Variants in SQSTM1 observed in about 807,000 individuals in gnomAD.
SQSTM1 encodes the protein sequestosome 1.
In SQSTM1, 36 loss-of-function variants were observed where a neutral mutation model predicts 45.1. That is an observed-to-expected ratio of 0.80 (90% CI 0.61 to 1.05). The LOEUF (loss-of-function observed/expected upper bound fraction) is 1.05, where lower values mean the gene tolerates loss of function less well. Among genes scored for constraint, SQSTM1 ranks in the 50% least tolerant of loss-of-function variants. SQSTM1 has a pLI of 0.00. For synonymous variants in SQSTM1, 290 were observed against 244.3 expected (o/e 1.19, Z -1.74); for missense variants, 617 against 607.1 (o/e 1.02, Z -0.17).
At chr5:179,807,443 A>C (rs983433363) in intron 1 of SQSTM1, 1 of 152,248 alleles carries the variant, frequency 6.6e-6, no homozygotes, top group East Asian at 1.9e-4. Flanking sequence ...TCTAGGCGGT[A>C]TCAGGGCCGA....
At position 179,836,471 on chromosome 5, in the gene SQSTM1, A is replaced by G. The variant is rs201795943; in HGVS notation, c.1201A>G (p.Met401Val). The change falls in exon 8 of 8, where the codon ATG becomes GTG. Residue 401 changes from methionine (M) to valine (V), a missense_variant. Coordinates refer to ENST00000389805, the MANE Select transcript of SQSTM1 (RefSeq NM_003900.5). ...DPRLIESLSQMLSMGFSDEGG... is the reference protein window; with the variant it reads ...DPRLIESLSQVLSMGFSDEGG... ...GCGGCTGATTGAGTCCCTCTCCCAG[A>G]TGCTGTCCATGGGCTTCTCTGATGA... is the stretch of plus-strand genomic sequence containing the variant. The G allele has an allele frequency of 6.2e-7, 1 of 1,614,146 alleles. No individual in the cohort carries two copies. Among genetic ancestry groups the G allele is most frequent in the Non-Finnish European group, 8.5e-7 (1 of 1,180,032 alleles).
In SQSTM1 at chr5:179,824,285, G is replaced by T; in HGVS notation, c.635G>T (p.Arg212Leu). 1.2e-6 allele frequency: 2 copies of T among 1,613,768 alleles called. No individual in the cohort carries two copies. The highest frequency in any genetic ancestry group is 1.7e-6 in the Non-Finnish European group (2 of 1,180,040). The change falls in exon 4 of 8, where the codon CGT becomes CTT. Residue 212 changes from arginine to leucine, a missense_variant. Arg to Leu is a moderately radical substitution (Grantham distance 102, BLOSUM62 -2). Transcript: ENST00000389805. ...GGAAACTGGAGCCCACGTCCTCCTC[G>T]TGCAGGGGAGGCCCGCCCTGGCCCC... is the stretch of plus-strand genomic sequence containing the variant. ...PPGNWSPRPP[R>L]AGEARPGPTA...
At chr5:179,836,250 G>C in intron 7 of SQSTM1, 186 bp from the exon 8 acceptor site, 1 of 744,878 alleles carries the variant, frequency 1.3e-6, no homozygotes. Context: ...GTTGAGCAGT[G>C]TGAAAAAGAC....
upstream of SQSTM1, among the ~76,000 whole-genome samples, chr5:179,819,663 C>T (rs1228243010): frequency 2.0e-5 from 3 of 152,248 alleles, no homozygotes; most frequent in South Asian, 6.2e-4. Flanking sequence ...CTGCCCCTGT[C>T]TGCAAGGCAG....
chr5:179,818,398 T>A (rs1483469559), upstream of SQSTM1, among the ~76,000 whole-genome samples: 1 of 152,152 alleles, frequency 6.6e-6, no homozygotes, highest in Non-Finnish European at 1.5e-5. Context: ...AGTGGCCTTG[T>A]CTCTGGCTGC....
chr5:179,821,396 C>T (rs1462622094), intron 1 of SQSTM1, among the ~76,000 whole-genome samples: 2 of 152,024 alleles, frequency 1.3e-5, no homozygotes, highest in Non-Finnish European at 2.9e-5. Flanking sequence ...CCCTGCCGGC[C>T]GGGGGCTCGA....
chr5:179,828,783 C>T (rs950101413), intron 5 of SQSTM1, among the ~76,000 whole-genome samples: 1 of 151,856 alleles, frequency 6.6e-6, no homozygotes, highest in Admixed American at 6.6e-5. Context: ...CTGCTCCCCC[C>T]TTAAACTCTA....
chr5:179,822,047 G>A (rs1333555488), intron 1 of SQSTM1, among the ~76,000 whole-genome samples: 1 of 152,174 alleles, frequency 6.6e-6, no homozygotes, highest in Non-Finnish European at 1.5e-5. Flanking sequence ...TAGGTTTGTG[G>A]ACCATATTCA....
Position 179,836,913 on chromosome 5 carries a change from GCTTTCA to G in SQSTM1, c.*326_*331del. ...AGCCCAGCACATAGCTTGCCTAATG[GCTTTCA>G]CTTTCTCTTTTGTTTTAAATGACTC... On this transcript the variant is annotated 3_prime_UTR_variant, in exon 8 of 8. Coordinates refer to ENST00000389805, the MANE Select transcript of SQSTM1 (RefSeq NM_003900.5). The G allele has an allele frequency of 1.6e-6, 1 of 607,246 alleles. No individual in the cohort carries two copies. 37.6% of individuals were successfully genotyped at this position (607,246 alleles called of 1,614,324 possible).
intron 2 of SQSTM1, chr5:179,813,197 G>A (rs1439200590): frequency 6.6e-6 from 1 of 152,104 alleles, no homozygotes; most frequent in East Asian, 1.9e-4. Context: ...TGTCACTAAT[G>A]ATACAAACAC....
rs1582033230 is a variant in SQSTM1, at chr5:179,837,585, T to G, written c.*992T>G. ...GCCCGAGGAAGCTGGACAGCGGCAG[T>G]GGGCCTGCTGAGGCCTTCTCTTGAG... On this transcript the variant is annotated 3_prime_UTR_variant, in exon 8 of 8. Transcript: ENST00000389805. 1 of 1,614,044 alleles carries G rather than the reference T, an allele frequency of 6.2e-7. No homozygotes were observed. The highest frequency in any genetic ancestry group is 8.5e-7 in the Non-Finnish European group (1 of 1,179,992).
Position 179,835,118 on chromosome 5 carries a change from A to G in SQSTM1, c.1166-1318A>G, listed in dbSNP as rs1180299377. The stretch of plus-strand genomic sequence containing the variant: ...GCGGCCAGGCAGAGGCGCTCCTCAC[A>G]TCCCAGACAGGGCGGCGGGGCAGAG... On this transcript the variant is annotated intron_variant, in intron 7 of 7. Coordinates refer to ENST00000389805, the MANE Select transcript of SQSTM1 (RefSeq NM_003900.5). 3 of 206,710 alleles carry G rather than the reference A, an allele frequency of 1.5e-5. No individual in the cohort carries two copies. The South Asian group carries it at 1.6e-4, about 11-fold the overall frequency. 12.8% of individuals were successfully genotyped at this position (206,710 alleles called of 1,614,324 possible). A position where few individuals can be genotyped will look rare whatever the true frequency, so the allele number is the denominator to read the frequency against.
In SQSTM1 at chr5:179,836,628, CTG is replaced by C; in HGVS notation, c.*37_*38del. 1.2e-6 allele frequency: 2 copies of C among 1,613,904 alleles called. No homozygotes were observed. The highest frequency in any genetic ancestry group is 1.7e-6 in the Non-Finnish European group (2 of 1,179,948). On this transcript the variant is annotated 3_prime_UTR_variant, in exon 8 of 8. Transcript: ENST00000389805. ...CCCACCTCTTCTGCGTGCCCCTCTT[CTG>C]TCTCATAGTTGTGTTAAGCTTGCGT...
upstream of SQSTM1, among the ~76,000 whole-genome samples, chr5:179,819,342 C>T (rs1202736291): frequency 1.9e-5 from 2 of 104,292 alleles, no homozygotes; most frequent in Admixed American, 1.2e-4. Flanking sequence ...CCCCCAGTCT[C>T]TTCACATGCC....
chr5:179,836,838 A>G lies in SQSTM1; in HGVS notation c.*245A>G. The G allele has an allele frequency of 1.5e-6, 1 of 661,528 alleles. No homozygotes were observed. Among genetic ancestry groups the G allele is most frequent in the Non-Finnish European group, 2.6e-6 (1 of 377,538 alleles). 41.0% of individuals were successfully genotyped at this position (661,528 alleles called of 1,614,324 possible). A position where few individuals can be genotyped will look rare whatever the true frequency, so the allele number is the denominator to read the frequency against. ...AGCAGGGCTGGGCCTGCGAGACCCA[A>G]GGCTCACTGCAGCGCGCTCCTGACC... On this transcript the variant is annotated 3_prime_UTR_variant, in exon 8 of 8. Transcript: ENST00000389805.
At chr5:179,834,101 G>A (rs1173650878) in intron 7 of SQSTM1, among the ~76,000 whole-genome samples, 2 of 151,530 alleles carry the variant, frequency 1.3e-5, no homozygotes, top group East Asian at 3.9e-4. Context: ...GGGCAGCACT[G>A]GGTGTGTCCC....
rs1458278155 is a variant in SQSTM1 at position 179,836,633 on chromosome 5, T to G, written c.*40T>G. 1.9e-6 allele frequency: 3 copies of G among 1,613,852 alleles called. No homozygotes were observed. In the South Asian group the frequency reaches 3.3e-5, roughly 18 times the overall value. Reference sequence around the variant, plus strand: ...CTCTTCTGCGTGCCCCTCTTCTGTCTCATAGTTGTGTTAAGCTTGCGTAGA... The same window carrying G: ...CTCTTCTGCGTGCCCCTCTTCTGTCGCATAGTTGTGTTAAGCTTGCGTAGA... On this transcript the variant is annotated 3_prime_UTR_variant, in exon 8 of 8. Coordinates refer to ENST00000389805, the MANE Select transcript of SQSTM1 (RefSeq NM_003900.5).
chr5:179,827,060 A>G (rs183720916), intron 5 of SQSTM1, among the ~76,000 whole-genome samples: 12 of 152,326 alleles, frequency 7.9e-5, no homozygotes, highest in Non-Finnish European at 1.5e-4. Flanking sequence ...CAAAGGAGAC[A>G]TCCCGGGAAG....
At chr5:179,836,283 G>T (rs1758549914) in intron 7 of SQSTM1, 153 bp from the exon 8 acceptor site, 1 of 963,324 alleles carries the variant, frequency 1.0e-6, no homozygotes, top group Non-Finnish European at 1.6e-6. Context: ...TACAGGGAAA[G>T]CAGGTCCACT....
Sources: gnomAD v4.1 joint callset for allele counts (sites outside exome capture counted in the v4.1 genomes callset) on GRCh38, gnomAD v4.1.1 for gene constraint, MANE v1.5 for transcripts, NCBI Gene and HGNC (gene_info 2026-07-23, HGNC 2026-07-21) for gene names.